The following NDUFA12 variants were observed in gnomAD, a reference collection of about 807,000 sequenced individuals.
The protein encoded by NDUFA12 is NADH:ubiquinone oxidoreductase subunit A12.
Under a neutral mutation model 20.3 loss-of-function variants are expected in NDUFA12, and 17 were observed. The ratio of observed to expected loss-of-function variants is 0.84; its 90% CI spans 0.57 to 1.26. NDUFA12 has a LOEUF of 1.26. Among genes scored for constraint, NDUFA12 ranks in the 50% most tolerant of loss-of-function variants. The pLI is 0.00. For synonymous variants in NDUFA12, 72 were observed against 63.6 expected (o/e 1.13, Z -0.63); for missense variants, 191 against 183.7 (o/e 1.04, Z -0.23).
At chr12:94,984,425 C>G (rs1874342375) in intron 3 of NDUFA12, among the ~76,000 whole-genome samples, 1 of 151,946 alleles carries the variant, frequency 6.6e-6, no homozygotes, top group Non-Finnish European at 1.5e-5. Flanking sequence ...GAGTTCAAGA[C>G]CAGCTGACGC....
intron 3 of NDUFA12, among the ~76,000 whole-genome samples, chr12:94,981,002 T>C (rs1461410451): frequency 1.3e-5 from 2 of 151,834 alleles, no homozygotes; most frequent in African/African-American, 4.8e-5. Flanking sequence ...ACAATGAAAA[T>C]GAAGACTTCT....
intron 2 of NDUFA12, 59 bp downstream of exon 2, chr12:95,002,680 G>A (rs1396841329): frequency 1.6e-6 from 2 of 1,237,530 alleles, no homozygotes; most frequent in East Asian, 4.6e-5. Context: ...ATGGAAAATA[G>A]ACTCAAATCA....
chr12:94,983,588 C>A (rs1023899453), intron 3 of NDUFA12, among the ~76,000 whole-genome samples: 1 of 152,094 alleles, frequency 6.6e-6, no homozygotes, highest in Non-Finnish European at 1.5e-5. Context: ...AGACCCTGAG[C>A]CTGGGGCACC....
intron 3 of NDUFA12, among the ~76,000 whole-genome samples, chr12:94,990,475 T>A (rs1477526678): frequency 6.6e-6 from 1 of 152,036 alleles, no homozygotes; most frequent in Non-Finnish European, 1.5e-5. Flanking sequence ...CACGCTGGAG[T>A]ACAGTGGTGC....
intron 2 of NDUFA12, among the ~76,000 whole-genome samples, chr12:94,994,925 A>C (rs1222295650): frequency 6.6e-6 from 1 of 152,160 alleles, no homozygotes; most frequent in Non-Finnish European, 1.5e-5. Flanking sequence ...GTTATTAGGC[A>C]AATTTTATGA....
At chr12:95,001,539 G>A (rs1484422161) in intron 2 of NDUFA12, among the ~76,000 whole-genome samples, 2 of 152,006 alleles carry the variant, frequency 1.3e-5, no homozygotes, top group Non-Finnish European at 2.9e-5. Flanking sequence ...GAGGTAGGAG[G>A]ACAGCTTGAG....
intron 2 of NDUFA12, among the ~76,000 whole-genome samples, chr12:94,994,704 T>A (rs1177918360): frequency 1.3e-5 from 2 of 152,226 alleles, no homozygotes; most frequent in African/African-American, 4.8e-5. Flanking sequence ...CCACCCTAGA[T>A]CCTTTTGGAA....
chr12:94,984,621 A>AAGATGAACCT (rs1200683724), intron 3 of NDUFA12, among the ~76,000 whole-genome samples: 2 of 151,428 alleles, frequency 1.3e-5, no homozygotes, highest in African/African-American at 4.9e-5. Context: ...GAGAAACTCT[A>AAGATGAACCT]AGATGAACCT....
At chr12:94,971,728 T>C (rs551267817) in intron 3 of NDUFA12, 108 bp from the exon 4 acceptor site, 38 of 1,183,806 alleles carry the variant, frequency 3.2e-5, no homozygotes, top group Middle Eastern at 1.9e-4. Flanking sequence ...GGTTCAAGCC[T>C]CAACTCCATC....
chr12:94,987,655 G>A (rs928318071), intron 3 of NDUFA12, among the ~76,000 whole-genome samples: 1 of 151,868 alleles, frequency 6.6e-6, no homozygotes, highest in Non-Finnish European at 1.5e-5. Context: ...ACAAAAATTC[G>A]CCAGGTGTAG....
intron 3 of NDUFA12, among the ~76,000 whole-genome samples, chr12:94,987,791 CAAAAAAAAAAAAAA>C (rs61711763): frequency 4.3e-5 from 3 of 69,344 alleles, no homozygotes; most frequent in East Asian, 4.3e-4. Flanking sequence ...GACATTGTCT[CAAAAAAAAAAAAAA>C]AAAAAAAAAA....
At chr12:94,976,106 G>T (rs1874057771) in intron 3 of NDUFA12, among the ~76,000 whole-genome samples, 1 of 152,076 alleles carries the variant, frequency 6.6e-6, no homozygotes, top group Admixed American at 6.6e-5. Context: ...TTAAAAGCGG[G>T]TTATTTGCCT....
At chr12:94,991,822 C>T (rs1874656571) in intron 3 of NDUFA12, among the ~76,000 whole-genome samples, 1 of 151,828 alleles carries the variant, frequency 6.6e-6, no homozygotes, top group African/African-American at 2.4e-5. Context: ...TCGCAGAATT[C>T]TCACCTGATG....
chr12:94,985,495 T>C (rs938039063), intron 3 of NDUFA12, among the ~76,000 whole-genome samples: 76 of 151,152 alleles, frequency 5.0e-4, no homozygotes, highest in African/African-American at 1.8e-3. Flanking sequence ...GGCATGGTGG[T>C]CAGCGCCTGT....
intron 3 of NDUFA12, among the ~76,000 whole-genome samples, chr12:94,986,641 A>C (rs999914556): frequency 1.7e-5 from 1 of 59,312 alleles, no homozygotes; most frequent in Non-Finnish European, 3.4e-5. Context: ...CCTAAAAAAA[A>C]ACCAGCAGGT....
intron 3 of NDUFA12, among the ~76,000 whole-genome samples, chr12:94,993,732 C>T (rs1377427311): frequency 2.7e-5 from 4 of 146,538 alleles, no homozygotes; most frequent in East Asian, 4.1e-4. Context: ...GTCAGGAGTT[C>T]GAGACCAGCC....
chr12:95,000,555 T>C (rs1170479990), intron 2 of NDUFA12, among the ~76,000 whole-genome samples: 1 of 152,260 alleles, frequency 6.6e-6, no homozygotes, highest in Admixed American at 6.5e-5. Flanking sequence ...TCACTTTTCA[T>C]CTTTTAATAC....
At chr12:94,978,526 C>T (rs1441407384) in intron 3 of NDUFA12, among the ~76,000 whole-genome samples, 2 of 152,132 alleles carry the variant, frequency 1.3e-5, no homozygotes, top group Non-Finnish European at 2.9e-5. Flanking sequence ...TGCCTATGCA[C>T]TGGGGATTTG....
intron 3 of NDUFA12, among the ~76,000 whole-genome samples, chr12:94,991,327 GT>G (rs1448624994): frequency 4.2e-4 from 64 of 152,000 alleles, no homozygotes; most frequent in African/African-American, 1.5e-3. Context: ...GTGGCAAGTG[GT>G]TACCCTATTG....
Sources: allele counts gnomAD v4.1 joint callset (sites outside exome capture counted in the v4.1 genomes callset), GRCh38; gene constraint gnomAD v4.1.1; transcripts MANE v1.5; gene names NCBI Gene and HGNC (gene_info 2026-07-23, HGNC 2026-07-21).